Variants in C6 observed in about 807,000 individuals in gnomAD.
The protein encoded by C6 is complement component C6.
C6 carries 101 observed loss-of-function variants against 112.9 expected under a neutral mutation model. The observed-to-expected ratio is 0.89, with a 90% CI of 0.76 to 1.06. The LOEUF (loss-of-function observed/expected upper bound fraction) is 1.06, where lower values mean the gene tolerates loss of function less well. Among genes scored for constraint, C6 ranks in the 50% least tolerant of loss-of-function variants. The pLI, the probability that C6 is intolerant of heterozygous loss-of-function variation, is 0.00. For synonymous variants in C6, 431 were observed against 384.1 expected (o/e 1.12, Z -1.43); for missense variants, 1,202 against 1,104.6 (o/e 1.09, Z -1.25).
chr5:41,149,711 A>G (rs1746197956), intron 16 of C6, among the ~76,000 whole-genome samples: 1 of 152,208 alleles, frequency 6.6e-6, no homozygotes, highest in Admixed American at 6.5e-5. Context: ...TGAGACTGTT[A>G]TAATGAACAA....
chr5:41,211,589 TGAAGCTTTCCTTTCAACCACTA>T (rs1284265061), intron 1 of C6, among the ~76,000 whole-genome samples: 1 of 152,032 alleles, frequency 6.6e-6, no homozygotes, highest in African/African-American at 2.4e-5. Context: ...CCAAATAATG[TGAAGCTTTCCTTTCAACCACTA>T]GATAGACTAG....
At chr5:41,199,422 T>G (rs1294724724) in intron 4 of C6, among the ~76,000 whole-genome samples, 1 of 152,224 alleles carries the variant, frequency 6.6e-6, no homozygotes, top group African/African-American at 2.4e-5. Context: ...TTAGAGCCAG[T>G]CAAGAAAGTT....
Position 41,176,622 on chromosome 5 carries a change from C to A in C6, c.1021G>T (p.Ala341Ser), listed in dbSNP as rs746533382. ...TATTCTAGAGGCAGATGGTTAAGTG[C>A]TTTCAAAAAGACATCAGAAAGGTGC... ...DLHLSDVFLK[A>S]LNHLPLEYNS... Residue 341 changes from alanine to serine, a missense_variant, in exon 8 of 18, where the codon GCA (alanine) becomes TCA (serine). Physicochemically the swap from Ala to Ser is moderately conservative, Grantham distance 99 (BLOSUM62 1). Transcript: ENST00000337836. 1.2e-6 allele frequency: 2 copies of A among 1,613,860 alleles called. No homozygotes were observed. The highest frequency in any genetic ancestry group is 3.3e-5 in the Admixed American group (2 of 60,014).
intron 1 of C6, among the ~76,000 whole-genome samples, chr5:41,224,885 A>C (rs1338170283): frequency 1.3e-5 from 2 of 152,142 alleles, no homozygotes; most frequent in Non-Finnish European, 2.9e-5. Context: ...TTAGGGTTCC[A>C]ATTTCTTTGC....
chr5:41,215,593 C>A (rs557019808), upstream of C6, among the ~76,000 whole-genome samples: 1 of 152,106 alleles, frequency 6.6e-6, no homozygotes, highest in Non-Finnish European at 1.5e-5. Context: ...ACACAGAAGA[C>A]CTTCTCACAC....
chr5:41,258,904 C>A lies in C6; in HGVS notation c.-21+2290G>T, dbSNP rs116916749. Among the ~76,000 whole-genome samples, 235 of 152,178 alleles carry A rather than the reference C, an allele frequency of 1.5e-3. 11 individuals are homozygous for A. In the East Asian group the frequency reaches 0.043, roughly 28 times the overall value. On this transcript the variant is annotated intron_variant, in intron 1 of 17. Coordinates refer to the C6 transcript ENST00000263413. ...TTGTCATGAGAACAGCATTGGGGAC[C>A]CACCCCATGATCCAATTACCTTCAT...
intron 1 of C6, chr5:41,203,489 G>A (rs1048780384): frequency 2.3e-5 from 11 of 470,754 alleles, no homozygotes; most frequent in South Asian, 8.3e-5. Context: ...TTCTTCAAAC[G>A]GTTAGTGATA....
In C6 at chr5:41,176,519, T is replaced by C. The variant is rs1561130153; in HGVS notation, c.1124A>G (p.Tyr375Cys). Residue 375 changes from tyrosine to cysteine, a missense_variant, in exon 8 of 18, where the codon TAT becomes TGT. Physicochemically the swap from Tyr to Cys is radical, Grantham distance 194 (BLOSUM62 -2). Coordinates refer to ENST00000337836, the MANE Select transcript of C6 (RefSeq NM_000065.5). Reference sequence around the variant, plus strand: ...ACTGCTAAACTGATAGAGAAGGTCATACACGCCTCCCAGGGAGCCAGAGGT... The same window carrying C: ...ACTGCTAAACTGATAGAGAAGGTCACACACGCCTCCCAGGGAGCCAGAGGT... ...YFTSGSLGGVYDLLYQFSSEE... is the reference protein window; with the variant it reads ...YFTSGSLGGVCDLLYQFSSEE... 4 of 1,613,794 alleles carry C rather than the reference T, an allele frequency of 2.5e-6. No homozygotes were observed. The highest frequency in any genetic ancestry group is 2.2e-5 in the East Asian group (1 of 44,796).
At chr5:41,214,560 A>G (rs978339784), upstream of C6, among the ~76,000 whole-genome samples, 3 of 152,150 alleles carry the variant, frequency 2.0e-5, no homozygotes, top group Non-Finnish European at 4.4e-5. Flanking sequence ...CTAAAGAGAA[A>G]GTAGAGTGGT....
intron 1 of C6, among the ~76,000 whole-genome samples, chr5:41,225,916 T>C (rs1739466282): frequency 6.6e-6 from 1 of 152,180 alleles, no homozygotes; most frequent in African/African-American, 2.4e-5. Context: ...AAGCTGAAAG[T>C]GGATCCCTTC....
chr5:41,203,493 A>G, intron 1 of C6: 1 of 464,594 alleles, frequency 2.2e-6, no homozygotes, highest in South Asian at 2.1e-5. Flanking sequence ...TCAAACGGTT[A>G]GTGATAGGCT....
chr5:41,258,333 T>C (rs545462091), intron 1 of C6, among the ~76,000 whole-genome samples: 1 of 152,350 alleles, frequency 6.6e-6, no homozygotes, highest in South Asian at 2.1e-4. Context: ...ACTTATTCAA[T>C]TGTTTTTTGT....
At chr5:41,222,658 A>C (rs191798375) in intron 1 of C6, among the ~76,000 whole-genome samples, 1 of 152,176 alleles carries the variant, frequency 6.6e-6, no homozygotes, top group South Asian at 2.1e-4. Context: ...ATGAATCTCT[A>C]TATATTTACT....
At chr5:41,199,421 G>C (rs750452263) in intron 4 of C6, among the ~76,000 whole-genome samples, 38 of 152,210 alleles carry the variant, frequency 2.5e-4, no homozygotes, top group Non-Finnish European at 4.7e-4. Context: ...TTTAGAGCCA[G>C]TCAAGAAAGT....
chr5:41,254,917 A>G (rs1303151011), intron 1 of C6, among the ~76,000 whole-genome samples: 1 of 152,206 alleles, frequency 6.6e-6, no homozygotes, highest in African/African-American at 2.4e-5. Flanking sequence ...AGACAGGTAT[A>G]GAGGGATTGT....
chr5:41,245,672 T>A (rs1740980010), intron 1 of C6, among the ~76,000 whole-genome samples: 1 of 152,224 alleles, frequency 6.6e-6, no homozygotes, highest in African/African-American at 2.4e-5. Context: ...TGCTTTTCCT[T>A]CATCAGTTGA....
At chr5:41,226,221 A>T (rs549890787) in intron 1 of C6, among the ~76,000 whole-genome samples, 104 of 152,230 alleles carry the variant, frequency 6.8e-4, no homozygotes, top group African/African-American at 2.3e-3. Context: ...AGGGCTAATA[A>T]CCAGAATCTA....
chr5:41,181,459 C>T lies in C6; in HGVS notation c.827G>A (p.Gly276Glu). 6.2e-7 allele frequency: 1 copy of T among 1,613,538 alleles called. No homozygotes were observed. The highest frequency in any genetic ancestry group is 1.7e-4 in the Middle Eastern group (1 of 6,054). Reference protein sequence around the residue: ...NQQGSFSSQGGSSFSVPIFYS... With the variant: ...NQQGSFSSQGESSFSVPIFYS... ...AAAAATTGGTACACTGAAAGAGCTC[C>T]CCCCCTGACTTGAGAATGAGCCTTG... Residue 276 changes from glycine (G) to glutamate (E), a missense_variant, in exon 7 of 18, where the codon GGG becomes GAG. Coordinates refer to ENST00000337836, the MANE Select transcript of C6 (RefSeq NM_000065.5).
chr5:41,208,922 A>G (rs1751666476), intron 1 of C6, among the ~76,000 whole-genome samples: 1 of 152,136 alleles, frequency 6.6e-6, no homozygotes, highest in Non-Finnish European at 1.5e-5. Flanking sequence ...CAACGAAAAA[A>G]GAGAATTTTA....
Sources: allele counts gnomAD v4.1 joint callset (sites outside exome capture counted in the v4.1 genomes callset), GRCh38; gene constraint gnomAD v4.1.1; transcripts MANE v1.5; gene names NCBI Gene and HGNC (gene_info 2026-07-23, HGNC 2026-07-21).